The following CEP112 variants were observed in gnomAD, a reference collection of about 807,000 sequenced individuals.
CEP112 encodes the protein centrosomal protein 112, also known as centrosomal protein of 112 kDa.
Under a neutral mutation model 153.0 loss-of-function variants are expected in CEP112, and 127 were observed. That is an observed-to-expected ratio of 0.83 (90% CI 0.72 to 0.96). CEP112 has a LOEUF of 0.96. Ranked by LOEUF, CEP112 falls within the 40% of genes least tolerant of loss-of-function variation. The probability of loss-of-function intolerance (pLI) is 0.00; values close to 1 mark genes in which losing one functional copy is unlikely to be tolerated. For synonymous variants in CEP112, 358 were observed against 374.4 expected (o/e 0.96, Z 0.51); for missense variants, 1,089 against 1,101.2 (o/e 0.99, Z 0.16).
At chr17:66,149,241 A>AT (rs2071057225) in intron 4 of CEP112, among the ~76,000 whole-genome samples, 1 of 152,128 alleles carries the variant, frequency 6.6e-6, no homozygotes, top group South Asian at 2.1e-4. Context: ...GTTTACAAGT[A>AT]TTTTCCTGAG....
chr17:66,177,844 T>C (rs2072552416), intron 2 of CEP112, among the ~76,000 whole-genome samples: 1 of 152,192 alleles, frequency 6.6e-6, no homozygotes, highest in Non-Finnish European at 1.5e-5. Flanking sequence ...TTATTTCACT[T>C]AACATAATGT....
In CEP112 at chr17:65,970,846, ATG is replaced by A. The variant is rs1244051810; in HGVS notation, c.1737-9250_1737-9249del. Among the ~76,000 whole-genome samples, 19 of 44,400 alleles carry A rather than the reference ATG, an allele frequency of 4.3e-4. No homozygotes were observed. The South Asian group carries it at 0.037, about 87-fold the overall frequency. The allele number at this position is 44,400 out of a possible 152,430, so 29.1% of individuals were successfully genotyped here. ...TTGCATGCATGCACATTACATGCATATGTCATGTATATCTGCATGCTGCATCG... is the reference window on the plus strand; with the variant it reads ...TTGCATGCATGCACATTACATGCATATCATGTATATCTGCATGCTGCATCG... On this transcript the variant is annotated intron_variant, in intron 17 of 26. Transcript: ENST00000535342.
chr17:65,757,560 C>T (rs797000523), intron 21 of CEP112, among the ~76,000 whole-genome samples: 5 of 152,224 alleles, frequency 3.3e-5, no homozygotes, highest in African/African-American at 1.2e-4. Flanking sequence ...AAAATGAGGC[C>T]AGTCTGTACA....
chr17:66,153,591 C>T (rs1048920518), intron 4 of CEP112, among the ~76,000 whole-genome samples: 2 of 151,656 alleles, frequency 1.3e-5, no homozygotes, highest in African/African-American at 4.8e-5. Flanking sequence ...AATATCTCAA[C>T]ATGCACGCAC....
At chr17:66,112,608 C>G (rs112869778) in intron 6 of CEP112, among the ~76,000 whole-genome samples, 2 of 152,074 alleles carry the variant, frequency 1.3e-5, no homozygotes, top group African/African-American at 4.8e-5. Context: ...ATACAATCTA[C>G]CTCAACATGG....
chr17:65,916,801 C>G (rs1407626935), intron 19 of CEP112, among the ~76,000 whole-genome samples: 2 of 152,156 alleles, frequency 1.3e-5, no homozygotes, highest in East Asian at 3.9e-4. Context: ...CCCTCCTGGG[C>G]CTCCTGAGTT....
intron 16 of CEP112, among the ~76,000 whole-genome samples, chr17:66,018,730 T>C (rs997998417): frequency 6.6e-6 from 1 of 152,214 alleles, no homozygotes; most frequent in African/African-American, 2.4e-5. Context: ...GGAATAACTA[T>C]ATTTTAAGGA....
At chr17:65,995,831 C>A (rs2145315248) in intron 17 of CEP112, among the ~76,000 whole-genome samples, 1 of 152,220 alleles carries the variant, frequency 6.6e-6, no homozygotes, top group South Asian at 2.1e-4. Context: ...CCATACTGTT[C>A]TCGTGCAGTG....
intron 17 of CEP112, among the ~76,000 whole-genome samples, chr17:66,002,197 A>G (rs2064086903): frequency 8.1e-6 from 1 of 122,744 alleles, no homozygotes; most frequent in South Asian, 3.4e-4. Flanking sequence ...TGACAGTTTC[A>G]ATTGCTTGGA....
chr17:65,874,251 T>C (rs1476203445), intron 20 of CEP112, among the ~76,000 whole-genome samples: 1 of 152,182 alleles, frequency 6.6e-6, no homozygotes, highest in African/African-American at 2.4e-5. Context: ...CACCCATACC[T>C]TCTGATTTCA....
chr17:65,811,045 GA>G (rs1460112276), intron 21 of CEP112, among the ~76,000 whole-genome samples: 5 of 152,208 alleles, frequency 3.3e-5, no homozygotes. Context: ...AGACGGAGAT[GA>G]AATTTTCTAC....
chr17:65,684,171 C>T (rs2047672950), intron 24 of CEP112, among the ~76,000 whole-genome samples: 1 of 152,182 alleles, frequency 6.6e-6, no homozygotes, highest in South Asian at 2.1e-4. Context: ...TATTCATCTT[C>T]GTTTCTTCTC....
At chr17:66,173,655 T>C (rs2072339141) in intron 4 of CEP112, among the ~76,000 whole-genome samples, 1 of 152,204 alleles carries the variant, frequency 6.6e-6, no homozygotes, top group Non-Finnish European at 1.5e-5. Flanking sequence ...TTTTTCTTTG[T>C]ATACAGACCA....
At chr17:66,031,485 T>G (rs1183099564) in intron 12 of CEP112, among the ~76,000 whole-genome samples, 10 of 20,848 alleles carry the variant, frequency 4.8e-4, no homozygotes, top group South Asian at 1.4e-3. Flanking sequence ...TTTTTTTTTT[T>G]GTTTTTTTTT....
chr17:66,168,491 G>A (rs1410930691), intron 4 of CEP112, among the ~76,000 whole-genome samples: 2 of 151,062 alleles, frequency 1.3e-5, no homozygotes, highest in African/African-American at 2.4e-5. Flanking sequence ...ATATGTGTGT[G>A]TGTATATATA....
At chr17:65,655,062 C>A in intron 24 of CEP112, 1 of 687,004 alleles carries the variant, frequency 1.5e-6, no homozygotes, top group South Asian at 1.4e-5. Context: ...GATCCAGAAC[C>A]AAAACCTATG....
At chr17:66,181,895 G>C (rs1017186365) in intron 2 of CEP112, 7 of 152,166 alleles carry the variant, frequency 4.6e-5, no homozygotes, top group African/African-American at 1.4e-4. Flanking sequence ...AGAAAGAAGA[G>C]GTTAAAGCCT....
chr17:65,940,270 C>T (rs2061467468), intron 18 of CEP112, among the ~76,000 whole-genome samples: 1 of 152,096 alleles, frequency 6.6e-6, no homozygotes, highest in Admixed American at 6.6e-5. Flanking sequence ...AAAGGGAACC[C>T]TTGTACACTG....
intron 17 of CEP112, among the ~76,000 whole-genome samples, chr17:65,975,555 C>T (rs1396556898): frequency 1.3e-5 from 2 of 152,122 alleles, no homozygotes; most frequent in East Asian, 3.9e-4. Context: ...TTGGAAAGGA[C>T]AAAAACATAC....
Sources: gnomAD v4.1 joint callset for allele counts (sites outside exome capture counted in the v4.1 genomes callset) on GRCh38, gnomAD v4.1.1 for gene constraint, MANE v1.5 for transcripts, NCBI Gene and HGNC (gene_info 2026-07-23, HGNC 2026-07-21) for gene names.